The following HERC1 variants were observed in gnomAD, a reference collection of about 807,000 sequenced individuals.
The protein encoded by HERC1 is probable E3 ubiquitin-protein ligase HERC1.
HERC1 carries 160 observed loss-of-function variants against 554.3 expected under a neutral mutation model. That is an observed-to-expected ratio of 0.29 (90% CI 0.25 to 0.33). The LOEUF is 0.33. Ranked by LOEUF, HERC1 falls within the 10% of genes least tolerant of loss-of-function variation. The pLI is 1.00. For missense variants in HERC1, 4,919 were observed against 5,918.5 expected (o/e 0.83, Z 5.54); for synonymous variants, 2,175 against 2,131.7 (o/e 1.02, Z -0.56).
intron 27 of HERC1, among the ~76,000 whole-genome samples, chr15:63,695,544 G>A (rs1056028061): frequency 4.0e-5 from 6 of 151,672 alleles, no homozygotes; most frequent in African/African-American, 7.3e-5. Flanking sequence ...CCACCACCAC[G>A]CCCAGCTAAT....
At chr15:63,659,665 T>A in intron 47 of HERC1, 71 bp downstream of exon 47, 2 of 1,018,490 alleles carry the variant, frequency 2.0e-6, no homozygotes, top group Non-Finnish European at 3.0e-6. Context: ...TTTATTATTA[T>A]TATTTACCTA....
intron 77 of HERC1, among the ~76,000 whole-genome samples, chr15:63,611,058 G>A (rs1393583261): frequency 6.6e-6 from 1 of 152,194 alleles, no homozygotes; most frequent in East Asian, 1.9e-4. Flanking sequence ...GGGCTTATAG[G>A]ATGAGTAAGT....
intron 1 of HERC1, among the ~76,000 whole-genome samples, chr15:63,826,369 T>G (rs1382089644): frequency 6.6e-6 from 1 of 152,180 alleles, no homozygotes; most frequent in Non-Finnish European, 1.5e-5. Context: ...TCCAAGATAC[T>G]GCCATTACTG....
At chr15:63,757,207 G>A (rs1231928881) in intron 4 of HERC1, among the ~76,000 whole-genome samples, 3 of 147,442 alleles carry the variant, frequency 2.0e-5, no homozygotes, top group African/African-American at 7.5e-5. Context: ...AAAAAAAAGT[G>A]ATCATAAGAA....
chr15:63,740,087 T>A (rs1437525902), intron 12 of HERC1, among the ~76,000 whole-genome samples: 1 of 152,060 alleles, frequency 6.6e-6, no homozygotes, highest in East Asian at 1.9e-4. Context: ...ATTTTTGTAT[T>A]TTTAGTAGAG....
chr15:63,705,078 G>A (rs1297055479), intron 25 of HERC1, among the ~76,000 whole-genome samples: 2 of 151,934 alleles, frequency 1.3e-5, no homozygotes, highest in African/African-American at 4.8e-5. Context: ...GCTTTGGTAT[G>A]TTATGGTCTC....
chr15:63,794,089 A>G (rs1567134467), intron 1 of HERC1, among the ~76,000 whole-genome samples: 1 of 152,166 alleles, frequency 6.6e-6, no homozygotes, highest in Non-Finnish European at 1.5e-5. Flanking sequence ...CACTGTCAGG[A>G]AGTCACCCTA....
rs2068765536 is a variant in HERC1, at chr15:63,636,090, C to T, written c.12285G>A (p.Met4095Ile). ...AGACCTCACCACTTTCAGTTAGGGC[C>T]ATAGAGTGCCCATCAGAACCACAGG... ...VTSCGSDGHS[M>I]ALTESGEVFS... Residue 4095 changes from methionine to isoleucine, a missense_variant, in exon 65 of 78, where the codon ATG becomes ATA. Transcript: ENST00000443617. 1 of 1,613,610 alleles carries T rather than the reference C, an allele frequency of 6.2e-7. No individual in the cohort carries two copies. The highest frequency in any genetic ancestry group is 1.1e-5 in the South Asian group (1 of 91,082).
intron 68 of HERC1, chr15:63,632,167 T>G (rs530151578): frequency 6.4e-6 from 1 of 156,318 alleles, no homozygotes; most frequent in East Asian, 1.9e-4. Context: ...GGCATCGATG[T>G]TCTCCCACAA....
rs1446390779 is a variant in HERC1 at position 63,712,760 on chromosome 15, T to C, written c.4584+15A>G. ...AAAACAAAAATCTTTCTTTACTGAATCTGGGTATACCTACCAGTGCGTAAC... is the reference window on the plus strand; with the variant it reads ...AAAACAAAAATCTTTCTTTACTGAACCTGGGTATACCTACCAGTGCGTAAC... On this transcript the variant is annotated intron_variant, in intron 24 of 77. Transcript: ENST00000443617. 6.2e-7 allele frequency: 1 copy of C among 1,608,192 alleles called. No homozygotes were observed. Among genetic ancestry groups the C allele is most frequent in the Non-Finnish European group, 8.5e-7 (1 of 1,177,648 alleles).
intron 34 of HERC1, among the ~76,000 whole-genome samples, chr15:63,681,708 A>C (rs1216789240): frequency 6.6e-6 from 1 of 152,170 alleles, no homozygotes; most frequent in African/African-American, 2.4e-5. Flanking sequence ...ATGTTGGTAC[A>C]TGTCAGGTTG....
At chr15:63,745,826 T>A (rs936596546) in intron 12 of HERC1, among the ~76,000 whole-genome samples, 5 of 152,222 alleles carry the variant, frequency 3.3e-5, no homozygotes, top group Admixed American at 6.5e-5. Context: ...TATTCCACCA[T>A]CTTGCTCTGC....
intron 1 of HERC1, among the ~76,000 whole-genome samples, chr15:63,826,796 AAAAAAAAAAAAAAAAAAAATAT>A (rs2077923401): frequency 1.9e-5 from 1 of 52,390 alleles, no homozygotes; most frequent in Non-Finnish European, 4.0e-5. Context: ...AAAAAAAAAA[AAAAAAAAAAAAAAAAAAAATAT>A]ATATATATAT....
Position 63,689,676 on chromosome 15 carries a change from A to G in HERC1, c.5961T>C (p.Leu1987=). ...GTGTCTCCCACATACAATCAGAGAG[A>G]AGGGAAAATAAGCGCTCAACAATCT... ...MAQIVERLFS[L]LSDCMWETPI... The change falls in exon 33 of 78, where the codon CTT becomes CTC. Residue 1987 remains leucine (L), a synonymous_variant. Transcript: ENST00000443617. 6.3e-7 allele frequency: 1 copy of G among 1,580,714 alleles called. No individual in the cohort carries two copies. Among genetic ancestry groups the G allele is most frequent in the Non-Finnish European group, 8.6e-7 (1 of 1,161,162 alleles).
At chr15:63,616,198 T>C (rs1432063915) in intron 75 of HERC1, among the ~76,000 whole-genome samples, 2 of 151,390 alleles carry the variant, frequency 1.3e-5, no homozygotes. Flanking sequence ...TTCTTCACTC[T>C]AACAGGCAGA....
chr15:63,736,849 T>C (rs2074526463), intron 12 of HERC1, among the ~76,000 whole-genome samples: 1 of 152,094 alleles, frequency 6.6e-6, no homozygotes, highest in Non-Finnish European at 1.5e-5. Context: ...TCAGGTGATC[T>C]GCCCACCTCA....
At chr15:63,771,440 T>TG (rs1466933972) in intron 2 of HERC1, among the ~76,000 whole-genome samples, 2 of 151,286 alleles carry the variant, frequency 1.3e-5, no homozygotes, top group Non-Finnish European at 3.0e-5. Flanking sequence ...CAATCTAGTT[T>TG]TTTTTTTTTT....
rs762094219 is a variant in HERC1 at position 63,674,889 on chromosome 15, C to T, written c.7299G>A (p.Glu2433=). 5 of 1,613,888 alleles carry T rather than the reference C, an allele frequency of 3.1e-6. No homozygotes were observed. The highest frequency in any genetic ancestry group is 3.4e-6 in the Non-Finnish European group (4 of 1,179,866). ...TTCGCATATCTAAAGCGGATTCACT[C>T]TCAGGTTTCTGCTCAACATCCCCTT... ...EEKGDVEQKP[E]SESALDMRTG... The change falls in exon 38 of 78, where the codon GAG becomes GAA. Residue 2433 remains glutamate (E), a synonymous_variant. Transcript: ENST00000443617.
At chr15:63,743,338 T>G (rs546491505) in intron 12 of HERC1, among the ~76,000 whole-genome samples, 3 of 146,370 alleles carry the variant, frequency 2.0e-5, no homozygotes, top group South Asian at 2.2e-4. Flanking sequence ...CTGGGCTCAC[T>G]GAAACCTCCA....
Sources: gnomAD v4.1 joint callset for allele counts (sites outside exome capture counted in the v4.1 genomes callset) on GRCh38, gnomAD v4.1.1 for gene constraint, MANE v1.5 for transcripts, NCBI Gene and HGNC (gene_info 2026-07-23, HGNC 2026-07-21) for gene names.